The following FOXP2 variants were observed in gnomAD, a reference collection of about 807,000 sequenced individuals.
FOXP2 encodes forkhead box protein P2.
FOXP2 carries 12 observed loss-of-function variants against 115.8 expected under a neutral mutation model. That is an observed-to-expected ratio of 0.10 (90% confidence interval 0.07 to 0.17). The LOEUF is 0.17. FOXP2 is among the 10% of genes least tolerant of loss of function. The pLI is 1.00. For synonymous variants in FOXP2, 328 were observed against 297.7 expected, an observed-to-expected ratio of 1.10 and a Z score of -1.05; for missense variants, 629 against 843.5, an observed-to-expected ratio of 0.75 and a Z score of 3.15.
intron 2 of FOXP2, among the ~76,000 whole-genome samples, chr7:114,375,096 T>TA (rs772611961): frequency 1.9e-3 from 279 of 147,150 alleles, no homozygotes; most frequent in African/African-American, 2.7e-3. Context: ...ACGATTTTTG[T>TA]AAAAAAAAAA....
At chr7:114,236,303 A>C (rs1472857234) in intron 1 of FOXP2, among the ~76,000 whole-genome samples, 1 of 152,168 alleles carries the variant, frequency 6.6e-6, no homozygotes, top group Admixed American at 6.5e-5. Context: ...AATCTGTAGT[A>C]ATTTATTATT....
chr7:114,463,807 T>C (rs1795687362), intron 2 of FOXP2, among the ~76,000 whole-genome samples: 1 of 152,148 alleles, frequency 6.6e-6, no homozygotes, highest in South Asian at 2.1e-4. Context: ...AACAGTACAG[T>C]ATGCATGCCG....
chr7:114,245,039 A>G (rs1188335096), intron 1 of FOXP2, among the ~76,000 whole-genome samples: 4 of 152,150 alleles, frequency 2.6e-5, no homozygotes, highest in Admixed American at 6.5e-5. Context: ...TGGGACCACA[A>G]GCGCGAGCCA....
Position 114,194,520 on chromosome 7 carries a change from C to A in FOXP2, c.-102+31432C>A, listed in dbSNP as rs146302228. 1.3e-3 allele frequency among the ~76,000 whole-genome samples: 205 copies of A among 152,056 alleles called. 4 individuals carry two copies. The East Asian group carries it at 0.035, about 26-fold the overall frequency. On this transcript the variant is annotated intron_variant, in intron 1 of 17. Transcript: ENST00000634411. ...ATAAGACCTACCATGCTTACCCAAA[C>A]TGAATTAAAGAGAGAAGATAGCGCT...
intron 2 of FOXP2, among the ~76,000 whole-genome samples, chr7:114,482,978 T>C (rs1296628021): frequency 2.0e-5 from 3 of 151,670 alleles, no homozygotes; most frequent in Non-Finnish European, 4.4e-5. Flanking sequence ...ATATACTGTG[T>C]TATACAAGGT....
chr7:114,244,953 G>A (rs1795244067), intron 1 of FOXP2, among the ~76,000 whole-genome samples: 1 of 151,954 alleles, frequency 6.6e-6, no homozygotes, highest in Non-Finnish European at 1.5e-5. Flanking sequence ...TAGTAGAGAC[G>A]GGGTTTCACC....
chr7:114,147,708 A>G (rs192391320), intron 1 of FOXP2, among the ~76,000 whole-genome samples: 1 of 152,240 alleles, frequency 6.6e-6, no homozygotes, highest in Non-Finnish European at 1.5e-5. Flanking sequence ...CATATCTTCC[A>G]AAGAAAAATG....
chr7:114,550,253 G>A (rs561432716), intron 3 of FOXP2, among the ~76,000 whole-genome samples: 2 of 151,876 alleles, frequency 1.3e-5, no homozygotes, highest in African/African-American at 4.8e-5. Context: ...GAGTAGCTGG[G>A]ACTACAGGCG....
chr7:114,385,065 C>A (rs1266633054), intron 2 of FOXP2, among the ~76,000 whole-genome samples: 2 of 151,680 alleles, frequency 1.3e-5, no homozygotes, highest in African/African-American at 4.8e-5. Context: ...TCTCTAATTC[C>A]CTCTCTCCCT....
chr7:114,167,520 C>T (rs1209613752), intron 1 of FOXP2, among the ~76,000 whole-genome samples: 1 of 152,118 alleles, frequency 6.6e-6, no homozygotes, highest in Admixed American at 6.5e-5. Flanking sequence ...CATTTCATAG[C>T]TCCCGTAATT....
intron 3 of FOXP2, among the ~76,000 whole-genome samples, chr7:114,620,031 A>T (rs1804159480): frequency 6.6e-6 from 1 of 152,050 alleles, no homozygotes; most frequent in Non-Finnish European, 1.5e-5. Flanking sequence ...TGATACACTA[A>T]ATAAAACGTG....
intron 2 of FOXP2, among the ~76,000 whole-genome samples, chr7:114,524,734 C>T (rs1798783547): frequency 6.6e-6 from 1 of 152,184 alleles, no homozygotes; most frequent in African/African-American, 2.4e-5. Flanking sequence ...CTTATAGTCA[C>T]TTTTTGTAAT....
intron 2 of FOXP2, among the ~76,000 whole-genome samples, chr7:114,479,913 C>T (rs1344500927): frequency 6.6e-6 from 1 of 151,390 alleles, no homozygotes; most frequent in East Asian, 1.9e-4. Flanking sequence ...CCATTACATC[C>T]TGATCATTCT....
At chr7:114,638,869 A>G (rs1029593174) in intron 6 of FOXP2, among the ~76,000 whole-genome samples, 1 of 152,152 alleles carries the variant, frequency 6.6e-6, no homozygotes, top group African/African-American at 2.4e-5. Context: ...TATATAATTT[A>G]ACACTGTGTC....
intron 2 of FOXP2, among the ~76,000 whole-genome samples, chr7:114,519,202 A>C (rs1424716289): frequency 2.0e-5 from 3 of 152,154 alleles, no homozygotes; most frequent in East Asian, 3.9e-4. Context: ...AATACCATAG[A>C]AGCTCAAATC....
intron 1 of FOXP2, among the ~76,000 whole-genome samples, chr7:114,223,205 G>T (rs777086287): frequency 1.3e-5 from 2 of 151,926 alleles, no homozygotes; most frequent in African/African-American, 2.4e-5. Flanking sequence ...GGATGCATCA[G>T]TTTACACTTC....
intron 2 of FOXP2, among the ~76,000 whole-genome samples, chr7:114,521,827 G>A (rs150594199): frequency 3.3e-5 from 5 of 152,248 alleles, no homozygotes; most frequent in East Asian, 1.9e-4. Context: ...ACAGTCATTA[G>A]TGTAAAGGTC....
chr7:114,582,817 T>C (rs1801937187), intron 3 of FOXP2, among the ~76,000 whole-genome samples: 1 of 152,196 alleles, frequency 6.6e-6, no homozygotes, highest in African/African-American at 2.4e-5. Context: ...AGTTTCTTTT[T>C]TACTGTATTG....
chr7:114,514,472 G>T lies in FOXP2; in HGVS notation c.169-20145G>T, dbSNP rs1053571300. On this transcript the variant is annotated intron_variant, in intron 2 of 16. Transcript: ENST00000350908. Reference sequence around the variant, plus strand: ...ATTACTCTATTTATATTAGTTCAACGTTTTTGGTTTCACATACAAGTAACA... The same window carrying T: ...ATTACTCTATTTATATTAGTTCAACTTTTTTGGTTTCACATACAAGTAACA... Among the ~76,000 whole-genome samples the T allele has an allele frequency of 1.0e-4, 5 of 48,390 alleles. No individual in the cohort carries two copies. The East Asian group carries it at 8.8e-3, about 85-fold the overall frequency. The allele number at this position is 48,390 out of a possible 152,430, so 31.7% of individuals were successfully genotyped here. A position where few individuals can be genotyped will look rare whatever the true frequency, so the allele number is the denominator to read the frequency against.
Sources: allele counts gnomAD v4.1 joint callset (sites outside exome capture counted in the v4.1 genomes callset), GRCh38; gene constraint gnomAD v4.1.1; transcripts MANE v1.5; gene names NCBI Gene and HGNC (gene_info 2026-07-23, HGNC 2026-07-21).